Variants in PRPF39 observed in about 807,000 individuals in gnomAD.
The protein encoded by PRPF39 is pre-mRNA-processing factor 39.
In PRPF39, 27 loss-of-function variants were observed where a neutral mutation model predicts 82.1. The ratio of observed to expected loss-of-function variants is 0.33; its 90% CI spans 0.24 to 0.45. PRPF39 has a LOEUF of 0.45. PRPF39 is among the 20% of genes least tolerant of loss of function. PRPF39 has a pLI of 1.00. For synonymous variants in PRPF39, 261 were observed against 256.4 expected (o/e 1.02, Z -0.17); for missense variants, 581 against 796.9 (o/e 0.73, Z 3.26).
chr14:45,104,134 T>C (rs989586403), intron 5 of PRPF39, among the ~76,000 whole-genome samples: 8 of 152,054 alleles, frequency 5.3e-5, no homozygotes, highest in Admixed American at 2.0e-4. Context: ...GTTTTTGATA[T>C]GTTCTCCTAC....
At chr14:45,087,740 A>AT (rs35926249) in intron 1 of PRPF39, among the ~76,000 whole-genome samples, 5,934 of 123,386 alleles carry the variant, frequency 0.048, 174 homozygotes, top group African/African-American at 0.065. Flanking sequence ...TGCCCGGCTA[A>AT]TTTTTTTTTT....
rs1469901885 is a variant in PRPF39, at chr14:45,110,667, T to C, written c.1422T>C (p.Ala474=). Residue 474 remains alanine (A), a synonymous_variant, in exon 10 of 14, where the codon GCT becomes GCC. Transcript: ENST00000355765. This position sits in a 1 kb window ranked among gnomAD's most constrained non-coding sequence, Gnocchi z 4.0. ...LERRHGNLEE[A]EHLLQDAIKN... is the part of the protein sequence containing the mutation. Reference sequence around the variant, plus strand: ...GACGGCATGGAAATCTGGAAGAAGCTGAACATTTGCTTCAGGATGCCATTA... The same window carrying C: ...GACGGCATGGAAATCTGGAAGAAGCCGAACATTTGCTTCAGGATGCCATTA... 2 of 1,576,844 alleles carry C rather than the reference T, an allele frequency of 1.3e-6. No individual in the cohort carries two copies. Among genetic ancestry groups the C allele is most frequent in the Admixed American group, 3.7e-5 (2 of 54,328 alleles).
Position 45,114,051 on chromosome 14 carries a change from A to T in PRPF39, c.1758-132A>T, listed in dbSNP as rs534039521. 16 of 608,916 alleles carry T rather than the reference A, an allele frequency of 2.6e-5. No homozygotes were observed. In the East Asian group the frequency reaches 4.5e-4, roughly 17 times the overall value. 37.7% of individuals were successfully genotyped at this position (608,916 alleles called of 1,614,324 possible). A position where few individuals can be genotyped will look rare whatever the true frequency, so the allele number is the denominator to read the frequency against. ...TGAGTATCAGGACTATGATTTTAGT[A>T]GTAGAAATTTTAAAAATAAAGGAGC... is the stretch of plus-strand genomic sequence containing the variant. On this transcript the variant is annotated intron_variant, in intron 11 of 13. Transcript: ENST00000355765.
At chr14:45,109,018 C>A (rs1446914882) in intron 7 of PRPF39, among the ~76,000 whole-genome samples, 1 of 152,106 alleles carries the variant, frequency 6.6e-6, no homozygotes, top group Non-Finnish European at 1.5e-5. Context: ...AAAACATAAT[C>A]ACCACCTCAA....
intron 4 of PRPF39, among the ~76,000 whole-genome samples, chr14:45,102,328 T>C (rs1197713152): frequency 7.9e-5 from 12 of 152,258 alleles, no homozygotes; most frequent in Admixed American, 7.8e-4. Flanking sequence ...AAAGTACATT[T>C]ATCTATTCTC....
intron 1 of PRPF39, among the ~76,000 whole-genome samples, chr14:45,089,489 G>A (rs970767755): frequency 2.6e-5 from 4 of 151,896 alleles, no homozygotes; most frequent in African/African-American, 7.3e-5. Context: ...TTTTTTTTGA[G>A]GCAGGGTCTG....
At chr14:45,113,384 G>C (rs918001748) in intron 11 of PRPF39, among the ~76,000 whole-genome samples, 1 of 152,216 alleles carries the variant, frequency 6.6e-6, no homozygotes, top group African/African-American at 2.4e-5. Context: ...AGGGTGTAGG[G>C]TTCTGTTCTC....
At chr14:45,091,500 ATT>A (rs1264752649) in intron 1 of PRPF39, among the ~76,000 whole-genome samples, 3 of 152,334 alleles carry the variant, frequency 2.0e-5, no homozygotes, top group Non-Finnish European at 2.9e-5. Flanking sequence ...CCGTGTGACA[ATT>A]TTAAAGGGTC....
At chr14:45,089,602 T>C (rs902701287) in intron 1 of PRPF39, among the ~76,000 whole-genome samples, 8 of 152,146 alleles carry the variant, frequency 5.3e-5, no homozygotes, top group Admixed American at 1.3e-4. Flanking sequence ...TTGTAGAGAA[T>C]GGTTTTTGCT....
At chr14:45,091,440 C>T (rs1033340191) in intron 1 of PRPF39, among the ~76,000 whole-genome samples, 2 of 152,162 alleles carry the variant, frequency 1.3e-5, no homozygotes, top group Non-Finnish European at 2.9e-5. Context: ...CTTTCCTGGC[C>T]ATGCTACATT....
intron 1 of PRPF39, among the ~76,000 whole-genome samples, chr14:45,092,600 CAA>C (rs775755309): frequency 2.1e-4 from 11 of 51,494 alleles, no homozygotes; most frequent in African/African-American, 4.4e-4. Context: ...GACTCTGTCT[CAA>C]AAAAAAAAAA....
chr14:45,094,672 G>T (rs1454441501), intron 1 of PRPF39, among the ~76,000 whole-genome samples: 1 of 152,106 alleles, frequency 6.6e-6, no homozygotes, highest in Non-Finnish European at 1.5e-5. Flanking sequence ...CTAGCTGTCA[G>T]GATTTATAAA....
At chr14:45,100,455 G>A (rs1884339891) in intron 4 of PRPF39, among the ~76,000 whole-genome samples, 1 of 152,190 alleles carries the variant, frequency 6.6e-6, no homozygotes, top group Admixed American at 6.5e-5. Flanking sequence ...TTGGGGAATG[G>A]ACACCTAGCT....
chr14:45,093,938 T>C (rs1269464269), intron 1 of PRPF39, among the ~76,000 whole-genome samples: 2 of 152,204 alleles, frequency 1.3e-5, no homozygotes, highest in African/African-American at 4.8e-5. Flanking sequence ...ATACATGTTT[T>C]TTCTGATTAT....
chr14:45,108,630 T>A lies in PRPF39; in HGVS notation c.1011+108T>A, dbSNP rs139101018. ...CTGTTGTAACTTTATTTTTGCATAT[T>A]TAAGCCATAACTTCAGATGTTTGTC... is the stretch of plus-strand genomic sequence containing the variant. On this transcript the variant is annotated intron_variant, in intron 7 of 13. Coordinates refer to ENST00000355765, the MANE Select transcript of PRPF39 (RefSeq NM_017922.4). 2.8e-4 allele frequency: 386 copies of A among 1,360,540 alleles called. 1 individual carries two copies. In the African/African-American group the frequency reaches 4.3e-3, roughly 15 times the overall value. The allele number at this position is 1,360,540 out of a possible 1,614,324, so 84.3% of individuals were successfully genotyped here. A position where few individuals can be genotyped will look rare whatever the true frequency, so the allele number is the denominator to read the frequency against.
chr14:45,097,301 CT>C (rs34304975), intron 4 of PRPF39, among the ~76,000 whole-genome samples: 64 of 143,988 alleles, frequency 4.4e-4, no homozygotes, highest in South Asian at 4.4e-4. Flanking sequence ...TGCTCTTTGA[CT>C]TTTTTTTTTT....
intron 4 of PRPF39, among the ~76,000 whole-genome samples, chr14:45,097,989 CATT>C (rs1243338245): frequency 6.6e-6 from 1 of 152,198 alleles, no homozygotes; most frequent in Non-Finnish European, 1.5e-5. Flanking sequence ...TAGCTGTAGA[CATT>C]ATGTATCTGT....
intron 2 of PRPF39, 101 bp from the exon 3 acceptor site, chr14:45,096,002 A>T (rs1884189949): frequency 2.7e-6 from 3 of 1,126,888 alleles, no homozygotes; most frequent in Non-Finnish European, 2.5e-6. Context: ...TAAGCCTGCC[A>T]TTTATTATTA....
intron 1 of PRPF39, among the ~76,000 whole-genome samples, chr14:45,086,717 T>C (rs1883839019): frequency 6.6e-6 from 1 of 152,166 alleles, no homozygotes. Context: ...GGGACAGCGG[T>C]GAACAAAACT....
Sources: allele counts gnomAD v4.1 joint callset (sites outside exome capture counted in the v4.1 genomes callset), GRCh38; gene constraint gnomAD v4.1.1; non-coding constraint Gnocchi (gnomAD v3.1); transcripts MANE v1.5; gene names NCBI Gene and HGNC (gene_info 2026-07-23, HGNC 2026-07-21).